USP8: variants seen among roughly 807,000 people sequenced by gnomAD.
The protein encoded by USP8 is ubiquitin specific peptidase 8.
A neutral mutation model predicts 130.0 loss-of-function variants in USP8; 27 were observed. The ratio of observed to expected loss-of-function variants is 0.21; its 90% CI spans 0.15 to 0.29. The LOEUF (loss-of-function observed/expected upper bound fraction) is 0.29. Ranked by LOEUF, USP8 falls within the 10% of genes least tolerant of loss-of-function variation. USP8 has a pLI of 1.00. For missense variants in USP8, 1,029 were observed against 1,312.2 expected (o/e 0.78, Z 3.33); for synonymous variants, 392 against 444.1 (o/e 0.88, Z 1.48).
Position 50,495,892 on chromosome 15 carries a change from C to G in USP8, c.2703C>G (p.Leu901=). 1.2e-6 allele frequency: 2 copies of G among 1,613,752 alleles called. No homozygotes were observed. The highest frequency in any genetic ancestry group is 1.7e-6 in the Non-Finnish European group (2 of 1,179,898). The stretch of plus-strand genomic sequence containing the variant: ...ATAAAGAAGAAAATAATGATCATCT[C>G]GATGACTTTAAAGCTGCAGAACATG... ...KRYKEENNDH[L]DDFKAAEHAW... is the part of the protein sequence containing the mutation. The change falls in exon 17 of 20, where the codon CTC becomes CTG. Residue 901 remains leucine (L), a synonymous_variant. Coordinates refer to ENST00000307179, the MANE Select transcript of USP8 (RefSeq NM_005154.5).
At position 50,501,003 on chromosome 15, in the gene USP8, C is replaced by T. The variant is rs541126638; in HGVS notation, c.*1915C>T. On this transcript the variant is annotated 3_prime_UTR_variant, in exon 20 of 20. Coordinates refer to ENST00000307179, the MANE Select transcript of USP8 (RefSeq NM_005154.5). ...TGCATATAGCCTGACTGCTATATTG[C>T]TTCTCATTTCATTGTAACTACTTAT... The T allele has an allele frequency of 3.5e-4, 206 of 582,710 alleles. No homozygotes were observed. The African/African-American group carries it at 3.5e-3, about 10-fold the overall frequency. The allele number at this position is 582,710 out of a possible 1,614,324, so 36.1% of individuals were successfully genotyped here. A position where few individuals can be genotyped will look rare whatever the true frequency, so the allele number is the denominator to read the frequency against.
At chr15:50,435,567 G>A (rs762037210) in intron 1 of USP8, among the ~76,000 whole-genome samples, 5 of 152,096 alleles carry the variant, frequency 3.3e-5, no homozygotes, top group African/African-American at 1.2e-4. Flanking sequence ...CTTGATGAGC[G>A]GAAAATACCC....
Position 50,465,171 on chromosome 15 carries a change from T to A in USP8, c.666T>A (p.Pro222=), listed in dbSNP as rs746046823. ...DSCILHSLSV[P]EEAISPGVTA... is the part of the protein sequence containing the mutation. Reference sequence around the variant, plus strand: ...GTATTTTACATTCTCTCAGTGTTCCTGAAGAAGCCATCAGTCCAGGGTGGG... The same window carrying A: ...GTATTTTACATTCTCTCAGTGTTCCAGAAGAAGCCATCAGTCCAGGGTGGG... Residue 222 remains proline, a synonymous_variant, in exon 7 of 20, where the codon CCT becomes CCA. Coordinates refer to ENST00000307179, the MANE Select transcript of USP8 (RefSeq NM_005154.5). The A allele has an allele frequency of 2.5e-6, 4 of 1,613,776 alleles. No homozygotes were observed. The highest frequency in any genetic ancestry group is 2.5e-6 in the Non-Finnish European group (3 of 1,179,826).
At chr15:50,489,161 G>T (rs1027668531) in intron 12 of USP8, among the ~76,000 whole-genome samples, 2 of 152,238 alleles carry the variant, frequency 1.3e-5, no homozygotes, top group East Asian at 1.9e-4. Flanking sequence ...ATATTGGCTT[G>T]TTTTTACTTA....
chr15:50,462,543 A>G (rs1018109952), intron 6 of USP8, among the ~76,000 whole-genome samples: 11 of 152,206 alleles, frequency 7.2e-5, no homozygotes, highest in Non-Finnish European at 1.6e-4. Flanking sequence ...TTAACCTTAC[A>G]TGTTAAACTG....
intron 3 of USP8, among the ~76,000 whole-genome samples, chr15:50,447,397 C>T (rs1043350625): frequency 3.3e-5 from 5 of 151,992 alleles, no homozygotes; most frequent in Admixed American, 1.3e-4. Flanking sequence ...CGTGCCTCCA[C>T]GCCTGGCTAA....
intron 1 of USP8, among the ~76,000 whole-genome samples, chr15:50,430,793 CCTTTGGCATACA>C (rs1372105067): frequency 6.6e-6 from 1 of 152,138 alleles, no homozygotes; most frequent in African/African-American, 2.4e-5. Flanking sequence ...TTAAGATGTT[CCTTTGGCATACA>C]CTCAACATTT....
At position 50,511,393 on chromosome 15, in the gene USP8, A is replaced by G. The variant is rs1276620893; in HGVS notation, c.*12305A>G. 1 of 152,186 alleles carries G rather than the reference A, an allele frequency of 6.6e-6. No homozygotes were observed. Among genetic ancestry groups the G allele is most frequent in the African/African-American group, 2.4e-5 (1 of 41,444 alleles). 9.4% of individuals were successfully genotyped at this position (152,186 alleles called of 1,614,324 possible). A position where few individuals can be genotyped will look rare whatever the true frequency, so the allele number is the denominator to read the frequency against. ...GTTCCTCAAAAAATTAACCAGAGTT[A>G]CCATATGACCCAGAAATTTCACACT... is the stretch of plus-strand genomic sequence containing the variant. On this transcript the variant is annotated 3_prime_UTR_variant, in exon 20 of 20. Transcript: ENST00000307179.
At chr15:50,482,189 G>T in intron 11 of USP8, 124 bp downstream of exon 11, 1 of 828,318 alleles carries the variant, frequency 1.2e-6, no homozygotes, top group Non-Finnish European at 1.7e-6. Flanking sequence ...GTGATAGAAT[G>T]TACTGATCTA....
chr15:50,448,935 G>A (rs1369320538), intron 3 of USP8, among the ~76,000 whole-genome samples: 1 of 152,170 alleles, frequency 6.6e-6, no homozygotes, highest in African/African-American at 2.4e-5. Flanking sequence ...GTTGGGATGT[G>A]AGTAGCTATT....
chr15:50,429,824 T>C (rs1244217155), intron 1 of USP8, among the ~76,000 whole-genome samples: 1 of 152,220 alleles, frequency 6.6e-6, no homozygotes, highest in African/African-American at 2.4e-5. Context: ...TTGAGAACTA[T>C]GTTTTTGGTG....
chr15:50,493,766 C>G, intron 15 of USP8: 1 of 460,174 alleles, frequency 2.2e-6, no homozygotes, highest in Non-Finnish European at 4.0e-6. Flanking sequence ...GTAAAGCCTT[C>G]TCTGATTAGT....
chr15:50,463,307 G>A (rs1402425207), intron 6 of USP8: 1 of 152,186 alleles, frequency 6.6e-6, no homozygotes, highest in Non-Finnish European at 1.5e-5. Context: ...TGACAAATAT[G>A]TGACCTAAAC....
rs1198973211 is a variant in USP8 at position 50,514,203 on chromosome 15, T to C, written c.*15115T>C. The C allele has an allele frequency of 2.6e-5, 4 of 152,102 alleles. No homozygotes were observed. The highest frequency in any genetic ancestry group is 5.9e-5 in the Non-Finnish European group (4 of 68,018). 9.4% of individuals were successfully genotyped at this position (152,102 alleles called of 1,614,324 possible). A position where few individuals can be genotyped will look rare whatever the true frequency, so the allele number is the denominator to read the frequency against. On this transcript the variant is annotated 3_prime_UTR_variant, in exon 20 of 20. Coordinates refer to ENST00000307179, the MANE Select transcript of USP8 (RefSeq NM_005154.5). ...AATTCCATTTATACGAAGCATAAAA[T>C]CAGGCAAAAATCTATAAATCTGTCC...
intron 5 of USP8, among the ~76,000 whole-genome samples, 176 bp downstream of exon 5, chr15:50,459,338 C>T (rs1028736446): frequency 1.3e-5 from 2 of 152,184 alleles, no homozygotes; most frequent in Non-Finnish European, 2.9e-5. Flanking sequence ...AATCCCAGCA[C>T]TTTGGGAGGC....
intron 7 of USP8, among the ~76,000 whole-genome samples, chr15:50,471,079 C>T (rs754833624): frequency 1.3e-5 from 2 of 152,110 alleles, no homozygotes; most frequent in Admixed American, 6.6e-5. Flanking sequence ...TCTGTTCGTG[C>T]CTCAGTTTCC....
In USP8 at chr15:50,497,214, T is replaced by G. The variant is rs757767128; in HGVS notation, c.3021T>G (p.Leu1007=). 9 of 1,608,728 alleles carry G rather than the reference T, an allele frequency of 5.6e-6. No individual in the cohort carries two copies. In the Admixed American group the frequency reaches 1.0e-4, roughly 18 times the overall value. The change falls in exon 18 of 20, where the codon CTT becomes CTG. Residue 1007 remains leucine, a synonymous_variant. Transcript: ENST00000307179. Reference sequence around the variant, plus strand: ...AAATCTGGAAGTTACCACCTGTGCTTTTAGTGCATCTGAAACGGTAAAGGG... The same window carrying G: ...AAATCTGGAAGTTACCACCTGTGCTGTTAGTGCATCTGAAACGGTAAAGGG... The part of the protein sequence containing the change: ...KIEIWKLPPV[L]LVHLKRFSYD...
intron 16 of USP8, among the ~76,000 whole-genome samples, chr15:50,494,842 T>A (rs1161800196): frequency 1.3e-5 from 2 of 151,968 alleles, no homozygotes; most frequent in Non-Finnish European, 2.9e-5. Flanking sequence ...TGGCAAAACC[T>A]CGTCTCTACT....
chr15:50,469,290 TAATTA>T (rs2051298713), intron 7 of USP8, among the ~76,000 whole-genome samples: 1 of 151,920 alleles, frequency 6.6e-6, no homozygotes, highest in Non-Finnish European at 1.5e-5. Flanking sequence ...AAATTATTTT[TAATTA>T]AATTAATTAA....
Sources: allele counts gnomAD v4.1 joint callset (sites outside exome capture counted in the v4.1 genomes callset), GRCh38; gene constraint gnomAD v4.1.1; transcripts MANE v1.5; gene names NCBI Gene and HGNC (gene_info 2026-07-23, HGNC 2026-07-21).